Variants in SPTBN4 observed in about 807,000 individuals in gnomAD.
SPTBN4 encodes the protein spectrin beta, non-erythrocytic 4, also known as spectrin beta chain, non-erythrocytic 4.
SPTBN4 carries 96 observed loss-of-function variants against 277.8 expected under a neutral mutation model. The observed-to-expected ratio is 0.35, with a 90% CI of 0.29 to 0.41. The LOEUF is 0.41. SPTBN4 is among the 10% of genes least tolerant of loss of function. The probability of loss-of-function intolerance (pLI) is 1.00; values close to 1 mark genes in which losing one functional copy is unlikely to be tolerated. For missense variants in SPTBN4, 3,006 were observed against 3,595.7 expected, an observed-to-expected ratio of 0.84 and a Z score of 4.19; for synonymous variants, 1,481 against 1,580.3, an observed-to-expected ratio of 0.94 and a Z score of 1.49.
intron 7 of SPTBN4, 50 bp downstream of exon 7, chr19:40,497,654 C>T: frequency 8.3e-6 from 12 of 1,453,596 alleles, no homozygotes; most frequent in Non-Finnish European, 9.6e-6. Flanking sequence ...GGACTCCCAA[C>T]CCCAATGCCA....
At chr19:40,495,114 A>G in intron 6 of SPTBN4, 137 bp downstream of exon 6, 1 of 765,728 alleles carries the variant, frequency 1.3e-6, no homozygotes, top group Non-Finnish European at 2.1e-6. Context: ...ACACACATAC[A>G]GTTTTCTTTC....
At position 40,490,809 on chromosome 19, in the gene SPTBN4, G is replaced by A. The variant is rs915553837; in HGVS notation, c.495+561G>A. 2.0e-5 allele frequency among the ~76,000 whole-genome samples: 3 copies of A among 152,200 alleles called. No homozygotes were observed. Among genetic ancestry groups the A allele is most frequent in the Non-Finnish European group, 4.4e-5 (3 of 68,036 alleles). On this transcript the variant is annotated intron_variant, in intron 4 of 35. Coordinates refer to ENST00000598249, the MANE Select transcript of SPTBN4 (RefSeq NM_020971.3). The surrounding 1 kb of genome is among the most constrained non-coding windows in gnomAD (Gnocchi z 4.3). ...GTGGCCTGTAAACCCAGCACTTTGC[G>A]AGGCTGAGATGGGAGGAACACTAAG...
intron 5 of SPTBN4, 74 bp from the exon 6 acceptor site, chr19:40,494,823 C>T: frequency 7.5e-7 from 1 of 1,328,802 alleles, no homozygotes; most frequent in Non-Finnish European, 1.1e-6. Flanking sequence ...ATTCGGTCTC[C>T]CTCTGTCTTT....
At chr19:40,501,374 A>C (rs1483325950) in intron 7 of SPTBN4, among the ~76,000 whole-genome samples, 1 of 152,224 alleles carries the variant, frequency 6.6e-6, no homozygotes, top group Non-Finnish European at 1.5e-5. Context: ...GGTGTGTTCA[A>C]GAAACAAATA....
rs555970911 is a variant in SPTBN4 at position 40,576,375 on chromosome 19, C to G, written c.*806C>G. ...GGTTGTGGGCAGTCCCCATGGCCGC[C>G]TGGAGAAGCCGCTGGGGCCCGGGGG... On this transcript the variant is annotated 3_prime_UTR_variant, in exon 36 of 36. Transcript: ENST00000598249. 4 of 153,492 alleles carry G rather than the reference C, an allele frequency of 2.6e-5. No individual in the cohort carries two copies. In the South Asian group the frequency reaches 8.2e-4, roughly 31 times the overall value. 9.5% of individuals were successfully genotyped at this position (153,492 alleles called of 1,614,324 possible).
At chr19:40,569,989 GACAC>G (rs59218483) in intron 32 of SPTBN4, among the ~76,000 whole-genome samples, 129 of 107,272 alleles carry the variant, frequency 1.2e-3, no homozygotes, top group African/African-American at 3.2e-3. Context: ...CACACACACA[GACAC>G]ACACACACAG....
chr19:40,539,745 G>T (rs968015052), intron 20 of SPTBN4, among the ~76,000 whole-genome samples: 1 of 151,974 alleles, frequency 6.6e-6, no homozygotes, highest in African/African-American at 2.4e-5. Flanking sequence ...CTCCCAAAGT[G>T]CTGGGATTAC....
At chr19:40,534,543 G>C (rs1396891174) in intron 20 of SPTBN4, 200 bp downstream of exon 20, 3 of 661,362 alleles carry the variant, frequency 4.5e-6, no homozygotes, top group Non-Finnish European at 5.0e-6. Context: ...CTAAGGTATG[G>C]AGTACAAAGG....
chr19:40,494,037 G>A (rs893257296), intron 5 of SPTBN4, among the ~76,000 whole-genome samples: 1 of 152,176 alleles, frequency 6.6e-6, no homozygotes, highest in African/African-American at 2.4e-5. Context: ...GGCGGGGTGG[G>A]GTGCAGGCTC....
rs1213384597 is a variant in SPTBN4, at chr19:40,520,067, G to A, written c.3570G>A (p.Ala1190=). ...GWHKLLGLWE[A]RREALVQAHI... ...ATAAACTGCTCGGCTTGTGGGAGGCGCGCAGGGAGGCGCTGGTCCAGGCGC... is the reference window on the plus strand; with the variant it reads ...ATAAACTGCTCGGCTTGTGGGAGGCACGCAGGGAGGCGCTGGTCCAGGCGC... The change falls in exon 16 of 36, where the codon GCG becomes GCA. Residue 1190 remains alanine (A), a synonymous_variant. Transcript: ENST00000598249. 1.1e-5 allele frequency: 16 copies of A among 1,515,462 alleles called. No individual in the cohort carries two copies. Among genetic ancestry groups the A allele is most frequent in the Non-Finnish European group, 1.4e-5 (16 of 1,136,602 alleles). 93.9% of individuals were successfully genotyped at this position (1,515,462 alleles called of 1,614,324 possible). A position where few individuals can be genotyped will look rare whatever the true frequency, so the allele number is the denominator to read the frequency against.
intron 20 of SPTBN4, among the ~76,000 whole-genome samples, chr19:40,542,476 G>T (rs996216434): frequency 1.3e-5 from 2 of 152,132 alleles, no homozygotes; most frequent in Non-Finnish European, 2.9e-5. Context: ...CTGGCCAGCT[G>T]GTCGGCCTCA....
chr19:40,489,013 C>T (rs997216602), intron 3 of SPTBN4, among the ~76,000 whole-genome samples: 13 of 151,398 alleles, frequency 8.6e-5, no homozygotes, highest in African/African-American at 1.5e-4. Context: ...TGGTGAGACC[C>T]GTTTCTACAA....
intron 20 of SPTBN4, among the ~76,000 whole-genome samples, chr19:40,542,775 G>C (rs1284435111): frequency 2.0e-5 from 3 of 151,840 alleles, no homozygotes; most frequent in Non-Finnish European, 2.9e-5. Context: ...CAAGGCAAGG[G>C]ACCCCATCCT....
intron 7 of SPTBN4, 142 bp downstream of exon 7, chr19:40,497,746 C>T: frequency 1.5e-6 from 1 of 689,014 alleles, no homozygotes; most frequent in Admixed American, 2.4e-5. Context: ...CAAATCCCAA[C>T]TGTCTCCTCA....
At chr19:40,570,182 C>G (rs1184101051) in intron 32 of SPTBN4, among the ~76,000 whole-genome samples, 1 of 151,856 alleles carries the variant, frequency 6.6e-6, no homozygotes, top group Non-Finnish European at 1.5e-5. Context: ...CCTGCTTGCA[C>G]CCCCACCTCC....
chr19:40,515,581 A>T lies in SPTBN4; in HGVS notation c.2903+133A>T. 1 of 1,091,846 alleles carries T rather than the reference A, an allele frequency of 9.2e-7. No individual in the cohort carries two copies. Among genetic ancestry groups the T allele is most frequent in the Non-Finnish European group, 1.2e-6 (1 of 804,736 alleles). The allele number at this position is 1,091,846 out of a possible 1,614,324, so 67.6% of individuals were successfully genotyped here. On this transcript the variant is annotated intron_variant, in intron 15 of 35. Coordinates refer to ENST00000598249, the MANE Select transcript of SPTBN4 (RefSeq NM_020971.3). The surrounding 1 kb of genome is among the most constrained non-coding windows in gnomAD (Gnocchi z 4.1). ...CCGATAAATCAACAAAATGTTGACC[A>T]AAAATCATAATCCCTGATACTGGTG...
chr19:40,506,281 G>C lies in SPTBN4; in HGVS notation c.1711G>C (p.Asp571His), dbSNP rs1183044758. ...GTGTGGGCAGCACCTGGTGGAGGCA[G>C]ACGACCTGTTGCAGAAGCATGGACT... ...RECGQHLVEADDLLQKHGLLE... is the reference protein window; with the variant it reads ...RECGQHLVEAHDLLQKHGLLE... The change falls in exon 13 of 36, where the codon GAC becomes CAC. Residue 571 changes from aspartate (D) to histidine (H), a missense_variant. Physicochemically the swap from Asp to His is moderately conservative, Grantham distance 81. Transcript: ENST00000598249. 2 of 1,613,926 alleles carry C rather than the reference G, an allele frequency of 1.2e-6. No individual in the cohort carries two copies. The highest frequency in any genetic ancestry group is 1.7e-5 in the Admixed American group (1 of 59,992).
rs188653305 is a variant in SPTBN4 at position 40,573,566 on chromosome 19, T to C, written c.7536+1186T>C. 1.8e-3 allele frequency among the ~76,000 whole-genome samples: 278 copies of C among 151,922 alleles called. 1 individual carries two copies. Among genetic ancestry groups the C allele is most frequent in the South Asian group, 3.5e-3 (17 of 4,810 alleles). On this transcript the variant is annotated intron_variant, in intron 35 of 35. Coordinates refer to ENST00000598249, the MANE Select transcript of SPTBN4 (RefSeq NM_020971.3). ...AGATTCCTGGCTGGGCGCAGTGGCT[T>C]ACGCCTGTAATCCCAGCACTTCGGG...
rs2079831263 is a variant in SPTBN4 at position 40,467,014 on chromosome 19, G to A, written c.-307G>A. ...GCGCGTGACGCCGCCGTGCCCTCGC[G>A]AGTGCAGCCGTGCACCCCACGCCGC... On this transcript the variant is annotated 5_prime_UTR_variant, in exon 1 of 36. Coordinates refer to ENST00000598249, the MANE Select transcript of SPTBN4 (RefSeq NM_020971.3). Among the ~76,000 whole-genome samples the A allele has an allele frequency of 1.3e-5, 2 of 151,948 alleles. No individual in the cohort carries two copies. The highest frequency in any genetic ancestry group is 3.4e-3 in the Middle Eastern group (1 of 292).
Sources: allele counts gnomAD v4.1 joint callset (sites outside exome capture counted in the v4.1 genomes callset), GRCh38; gene constraint gnomAD v4.1.1; non-coding constraint Gnocchi (gnomAD v3.1); transcripts MANE v1.5; gene names NCBI Gene and HGNC (gene_info 2026-07-23, HGNC 2026-07-21).